ASTN2: variants seen among roughly 807,000 people sequenced by gnomAD.
ASTN2 encodes the protein astrotactin 2.
ASTN2 carries 54 observed loss-of-function variants against 139.8 expected under a neutral mutation model. The ratio of observed to expected loss-of-function variants is 0.39; its 90% CI spans 0.31 to 0.48. The LOEUF (loss-of-function observed/expected upper bound fraction) is 0.48. Ranked by LOEUF, ASTN2 falls within the 20% of genes least tolerant of loss-of-function variation. The probability of loss-of-function intolerance (pLI) is 0.95; values close to 1 mark genes in which losing one functional copy is unlikely to be tolerated. For synonymous variants in ASTN2, 756 were observed against 719.5 expected (o/e 1.05, Z -0.81); for missense variants, 1,565 against 1,725.1 (o/e 0.91, Z 1.64).
chr9:117,296,620 A>G (rs568345956), intron 1 of ASTN2, among the ~76,000 whole-genome samples: 18 of 152,354 alleles, frequency 1.2e-4, no homozygotes, highest in Middle Eastern at 3.4e-3. Flanking sequence ...GCATTGGGTC[A>G]GGAACCAAGA....
intron 13 of ASTN2, among the ~76,000 whole-genome samples, chr9:116,770,446 A>C (rs958889281): frequency 2.0e-5 from 3 of 152,166 alleles, no homozygotes; most frequent in African/African-American, 7.2e-5. Flanking sequence ...TTTAATTCTT[A>C]GAATAGTGCT....
intron 4 of ASTN2, among the ~76,000 whole-genome samples, chr9:117,131,725 A>G (rs540793887): frequency 6.6e-6 from 1 of 152,292 alleles, no homozygotes; most frequent in East Asian, 1.9e-4. Flanking sequence ...AACTCAACCA[A>G]TTGCCAATCA....
At chr9:116,704,148 T>G (rs1827928200) in intron 16 of ASTN2, among the ~76,000 whole-genome samples, 1 of 152,162 alleles carries the variant, frequency 6.6e-6, no homozygotes, top group African/African-American at 2.4e-5. Context: ...CCTCAGGTGA[T>G]CACCATACCT....
intron 16 of ASTN2, among the ~76,000 whole-genome samples, chr9:116,702,842 G>A (rs1827868608): frequency 6.6e-6 from 1 of 152,126 alleles, no homozygotes; most frequent in South Asian, 2.1e-4. Context: ...CCTACTGTGG[G>A]CCAGTGTACA....
intron 19 of ASTN2, among the ~76,000 whole-genome samples, chr9:116,588,957 G>C (rs1854269229): frequency 6.6e-6 from 1 of 152,148 alleles, no homozygotes; most frequent in Non-Finnish European, 1.5e-5. Flanking sequence ...AGTGTAAATT[G>C]AGGTCAAGAA....
chr9:117,040,365 T>C (rs1454744813), intron 5 of ASTN2, among the ~76,000 whole-genome samples: 14 of 152,248 alleles, frequency 9.2e-5, no homozygotes, highest in Admixed American at 8.5e-4. Context: ...GAAATAAGCA[T>C]GGGCTTTGGA....
intron 10 of ASTN2, among the ~76,000 whole-genome samples, chr9:116,886,353 T>C (rs895786705): frequency 1.3e-5 from 2 of 152,256 alleles, no homozygotes; most frequent in Non-Finnish European, 2.9e-5. Context: ...TGATTCCTCC[T>C]GCAATTGTTT....
chr9:116,498,559 C>T (rs888304389), intron 19 of ASTN2, among the ~76,000 whole-genome samples: 1 of 151,806 alleles, frequency 6.6e-6, no homozygotes, highest in African/African-American at 2.4e-5. Flanking sequence ...GACTGTGCCA[C>T]TGCACTCCAG....
intron 11 of ASTN2, among the ~76,000 whole-genome samples, chr9:116,862,004 T>C (rs1832896399): frequency 6.6e-6 from 1 of 150,710 alleles, no homozygotes; most frequent in South Asian, 2.1e-4. Context: ...TATACTAGTT[T>C]GAGTTTAGTT....
intron 1 of ASTN2, among the ~76,000 whole-genome samples, chr9:117,292,640 T>C (rs967031150): frequency 4.6e-5 from 7 of 152,092 alleles, no homozygotes; most frequent in Non-Finnish European, 8.8e-5. Flanking sequence ...CCCTCCCTCC[T>C]GAGACAGCTA....
chr9:116,493,654 CCTCT>C (rs776636124), intron 19 of ASTN2, among the ~76,000 whole-genome samples: 2 of 151,890 alleles, frequency 1.3e-5, no homozygotes, highest in Non-Finnish European at 2.9e-5. Flanking sequence ...CCTTGTTTCC[CCTCT>C]CTCTCTCTTT....
intron 10 of ASTN2, among the ~76,000 whole-genome samples, chr9:116,925,537 A>G (rs532970670): frequency 6.6e-6 from 1 of 152,310 alleles, no homozygotes; most frequent in Admixed American, 6.5e-5. Flanking sequence ...ACACATACTC[A>G]CATGTACTCA....
chr9:117,004,671 G>T (rs116822849), intron 7 of ASTN2, among the ~76,000 whole-genome samples: 41 of 152,302 alleles, frequency 2.7e-4, no homozygotes, highest in African/African-American at 9.6e-4. Flanking sequence ...CTGCACAGAG[G>T]CTGTTGTCAT....
chr9:116,765,443 G>A (rs950436376), intron 13 of ASTN2, among the ~76,000 whole-genome samples: 1 of 152,152 alleles, frequency 6.6e-6, no homozygotes, highest in Non-Finnish European at 1.5e-5. Flanking sequence ...CCTTTCTTAA[G>A]GGTATGTGAT....
At chr9:116,722,358 G>A (rs915870510) in intron 16 of ASTN2, among the ~76,000 whole-genome samples, 1 of 152,162 alleles carries the variant, frequency 6.6e-6, no homozygotes, top group African/African-American at 2.4e-5. Context: ...AAACACTTAG[G>A]GGAATGAGAG....
chr9:117,412,184 C>G (rs1234434143), intron 1 of ASTN2, among the ~76,000 whole-genome samples: 3 of 152,158 alleles, frequency 2.0e-5, no homozygotes, highest in African/African-American at 7.2e-5. Context: ...ACCTCGCTAG[C>G]CAAATCCCCG....
intron 11 of ASTN2, 73 bp downstream of exon 11, chr9:116,863,510 G>T (rs1037224749): frequency 3.2e-6 from 5 of 1,553,778 alleles, no homozygotes; most frequent in East Asian, 2.3e-5. Context: ...GCGTTCCCTC[G>T]CAGGGCAGGG....
chr9:117,102,648 G>A (rs149470287), intron 4 of ASTN2, among the ~76,000 whole-genome samples: 10,943 of 152,050 alleles, frequency 0.072, 528 homozygotes, highest in East Asian at 0.21. Context: ...TTAGCTTCCT[G>A]AGTAGCTGGG....
chr9:117,212,412 GA>G (rs1368956835), intron 3 of ASTN2, among the ~76,000 whole-genome samples: 1 of 151,810 alleles, frequency 6.6e-6, no homozygotes, highest in African/African-American at 2.4e-5. Flanking sequence ...AAGTAGACAA[GA>G]TTATATGTCA....
Sources: allele counts gnomAD v4.1 joint callset (sites outside exome capture counted in the v4.1 genomes callset), GRCh38; gene constraint gnomAD v4.1.1; transcripts MANE v1.5; gene names NCBI Gene and HGNC (gene_info 2026-07-23, HGNC 2026-07-21).